The following HMGCLL1 variants were observed in gnomAD, a reference collection of about 807,000 sequenced individuals.
HMGCLL1 encodes the protein 3-hydroxy-3-methylglutaryl-CoA lyase like 1.
In HMGCLL1, 36 loss-of-function variants were observed where a neutral mutation model predicts 39.1. That is an observed-to-expected ratio of 0.92 (90% confidence interval 0.71 to 1.22). The LOEUF (loss-of-function observed/expected upper bound fraction) is 1.22. Among genes scored for constraint, HMGCLL1 ranks in the 50% most tolerant of loss-of-function variants. HMGCLL1 has a pLI of 0.00. For missense variants in HMGCLL1, 451 were observed against 416.5 expected (o/e 1.08, Z -0.72); for synonymous variants, 149 against 144.0 (o/e 1.03, Z -0.25).
At chr6:55,542,848 A>AAT (rs982580257) in intron 1 of HMGCLL1, among the ~76,000 whole-genome samples, 1 of 138,194 alleles carries the variant, frequency 7.2e-6, no homozygotes, top group African/African-American at 2.7e-5. Flanking sequence ...ATTATATATA[A>AAT]ATATATATAT....
the HMGCLL1 span, among the ~76,000 whole-genome samples, chr6:55,590,492 C>T: frequency 6.6e-6 from 1 of 152,062 alleles, no homozygotes; most frequent in South Asian, 2.1e-4. Flanking sequence ...TAGGCATGGG[C>T]AAGGTCTTCA....
At chr6:55,534,082 A>C (rs1768865903) in intron 3 of HMGCLL1, among the ~76,000 whole-genome samples, 1 of 152,110 alleles carries the variant, frequency 6.6e-6, no homozygotes, top group Non-Finnish European at 1.5e-5. Context: ...TTAAAGCAAA[A>C]GAAATTAATT....
chr6:55,461,113 A>T (rs577729627), intron 7 of HMGCLL1, among the ~76,000 whole-genome samples: 6 of 152,000 alleles, frequency 3.9e-5, no homozygotes, highest in African/African-American at 1.4e-4. Flanking sequence ...ATCAAATAGC[A>T]TCTATTTTGG....
intron 3 of HMGCLL1, among the ~76,000 whole-genome samples, chr6:55,534,986 T>C (rs1768930039): frequency 1.3e-5 from 2 of 152,180 alleles, no homozygotes; most frequent in Non-Finnish European, 2.9e-5. Flanking sequence ...GCCATTTAAG[T>C]ACTGGGAAAA....
At chr6:55,519,414 A>T (rs1767917922) in intron 3 of HMGCLL1, among the ~76,000 whole-genome samples, 1 of 152,156 alleles carries the variant, frequency 6.6e-6, no homozygotes, top group Non-Finnish European at 1.5e-5. Context: ...ACCATTTTAT[A>T]GCCTTCCTTT....
the HMGCLL1 span, among the ~76,000 whole-genome samples, chr6:55,618,837 A>G: frequency 1.3e-5 from 2 of 152,134 alleles, no homozygotes; most frequent in Non-Finnish European, 2.9e-5. Context: ...CACCTTAAAC[A>G]TTCTAAAAGG....
At chr6:55,475,450 C>G (rs1216935010) in intron 7 of HMGCLL1, among the ~76,000 whole-genome samples, 1 of 151,562 alleles carries the variant, frequency 6.6e-6, no homozygotes, top group South Asian at 2.1e-4. Flanking sequence ...AAATCTGCAG[C>G]TCTGGATTTG....
intron 7 of HMGCLL1, among the ~76,000 whole-genome samples, chr6:55,441,817 A>C (rs1253309517): frequency 6.6e-6 from 1 of 151,934 alleles, no homozygotes; most frequent in Admixed American, 6.6e-5. Context: ...CAGCCTCCTG[A>C]GTAGCTGGGA....
intron 3 of HMGCLL1, among the ~76,000 whole-genome samples, chr6:55,524,109 A>T (rs1408778953): frequency 6.6e-6 from 1 of 151,942 alleles, no homozygotes; most frequent in African/African-American, 2.4e-5. Flanking sequence ...CACATTACTA[A>T]TAATGAATTA....
rs77421781 is a variant in HMGCLL1 at position 55,486,480 on chromosome 6, T to C, written c.795+8939A>G. On this transcript the variant is annotated intron_variant, in intron 7 of 8. Coordinates refer to ENST00000274901, the MANE Select transcript of HMGCLL1 (RefSeq NM_001042406.2). ...GTTTGTGGCCCTGTGGAAGACGAAC[T>C]CATTAAATATGGATTATTATCATTA... Among the ~76,000 whole-genome samples the C allele has an allele frequency of 1.4e-3, 218 of 152,174 alleles. 4 individuals are homozygous for C. The highest frequency in any genetic ancestry group is 0.011 in the East Asian group (58 of 5,152).
intron 5 of HMGCLL1, among the ~76,000 whole-genome samples, chr6:55,502,070 G>A (rs1242032058): frequency 3.3e-5 from 5 of 151,796 alleles, no homozygotes; most frequent in African/African-American, 1.2e-4. Context: ...TGAATACATA[G>A]TAGTTCTTTC....
intron 7 of HMGCLL1, among the ~76,000 whole-genome samples, chr6:55,459,136 T>C (rs1354959533): frequency 6.6e-6 from 1 of 152,166 alleles, no homozygotes; most frequent in Non-Finnish European, 1.5e-5. Flanking sequence ...CATTTGTATT[T>C]ATGTCAGCTA....
chr6:55,616,561 T>C, the HMGCLL1 span, among the ~76,000 whole-genome samples: 2 of 152,128 alleles, frequency 1.3e-5, no homozygotes, highest in African/African-American at 2.4e-5. Flanking sequence ...TGAGTTGTGA[T>C]ACGGCAACAA....
chr6:55,657,408 T>A, the HMGCLL1 span, among the ~76,000 whole-genome samples: 1 of 152,160 alleles, frequency 6.6e-6, no homozygotes. Context: ...ATCTTCCACA[T>A]ATGGCTAGCC....
At chr6:55,507,446 CTG>C (rs1305207863) in intron 5 of HMGCLL1, among the ~76,000 whole-genome samples, 1 of 151,606 alleles carries the variant, frequency 6.6e-6, no homozygotes, top group Non-Finnish European at 1.5e-5. Context: ...AACTCAATAT[CTG>C]AATATGTTCC....
intron 1 of HMGCLL1, among the ~76,000 whole-genome samples, chr6:55,542,670 T>A (rs931440376): frequency 6.6e-6 from 1 of 151,034 alleles, no homozygotes; most frequent in South Asian, 2.1e-4. Flanking sequence ...TCCCAGCTAT[T>A]TGGGAGGCTG....
chr6:55,477,143 AAT>A (rs1302267305), intron 7 of HMGCLL1, among the ~76,000 whole-genome samples: 6 of 70,482 alleles, frequency 8.5e-5, no homozygotes, highest in Non-Finnish European at 1.5e-4. Context: ...TAATAGATAT[AAT>A]ATATATATTA....
At chr6:55,669,115 TA>T in the HMGCLL1 span, among the ~76,000 whole-genome samples, 60,283 of 142,378 alleles carry the variant, frequency 0.42, 12,602 homozygotes, top group Middle Eastern at 0.59. Flanking sequence ...AAGGAGGAAT[TA>T]AAAAAAAAAA....
intron 3 of HMGCLL1, among the ~76,000 whole-genome samples, chr6:55,534,083 G>T (rs939526504): frequency 6.6e-6 from 1 of 152,034 alleles, no homozygotes; most frequent in East Asian, 1.9e-4. Context: ...TAAAGCAAAA[G>T]AAATTAATTT....
Sources: gnomAD v4.1 joint callset for allele counts (sites outside exome capture counted in the v4.1 genomes callset) on GRCh38, gnomAD v4.1.1 for gene constraint, MANE v1.5 for transcripts, NCBI Gene and HGNC (gene_info 2026-07-23, HGNC 2026-07-21) for gene names.